Variants in ACSS1 observed in about 807,000 individuals in gnomAD.
ACSS1 encodes acyl-CoA synthetase short chain family member 1.
Under a neutral mutation model 75.3 loss-of-function variants are expected in ACSS1, and 42 were observed. That is an observed-to-expected ratio of 0.56 (90% CI 0.44 to 0.72). The LOEUF is 0.72. Ranked by LOEUF, ACSS1 falls within the 30% of genes least tolerant of loss-of-function variation. The pLI is 0.00. For missense variants in ACSS1, 782 were observed against 935.7 expected, an observed-to-expected ratio of 0.84 and a Z score of 2.14; for synonymous variants, 380 against 376.8, an observed-to-expected ratio of 1.01 and a Z score of -0.10.
intron 2 of ACSS1, among the ~76,000 whole-genome samples, chr20:25,036,975 G>C (rs1174586042): frequency 8.6e-6 from 1 of 116,178 alleles, no homozygotes; most frequent in Admixed American, 9.2e-5. Flanking sequence ...AGAAGAAGAA[G>C]AAAGAAAGAA....
chr20:25,011,230 G>A (rs1216807700), intron 12 of ACSS1: 2 of 152,320 alleles, frequency 1.3e-5, no homozygotes, highest in African/African-American at 2.4e-5. Context: ...CCCTATGAAA[G>A]ACAGTGATTG....
At chr20:25,034,553 G>T (rs1383937644) in intron 2 of ACSS1, among the ~76,000 whole-genome samples, 5 of 151,804 alleles carry the variant, frequency 3.3e-5, no homozygotes, top group Admixed American at 1.3e-4. Flanking sequence ...CCAGACCCTT[G>T]ACCTCAATTC....
rs768691955 is a variant in ACSS1, at chr20:25,022,987, C to T, written c.913G>A (p.Val305Ile). The T allele has an allele frequency of 1.1e-5, 18 of 1,613,958 alleles. No individual in the cohort carries two copies. Among genetic ancestry groups the T allele is most frequent in the East Asian group, 2.2e-5 (1 of 44,894 alleles). ...AGCAGGTAGCCTGCCTGGGTATGGA[C>T]GATGCCCTTGGGCATTCCGGTGCTC... ...SGSTGMPKGI[V>I]HTQAGYLLYA... The change falls in exon 5 of 14, where the codon GTC becomes ATC. Residue 305 changes from valine to isoleucine, a missense_variant. Val to Ile is a conservative substitution (Grantham distance 29). Around this residue, in one of 2 missense-constraint regions of ACSS1, gnomAD observed 405 missense variants for 552.6 expected, o/e 0.73. Coordinates refer to ENST00000323482, the MANE Select transcript of ACSS1 (RefSeq NM_032501.4).
chr20:25,025,448 C>A (rs959344573), intron 3 of ACSS1, among the ~76,000 whole-genome samples: 1 of 152,240 alleles, frequency 6.6e-6, no homozygotes, highest in East Asian at 1.9e-4. Context: ...CCAGCATCTG[C>A]GTTCATTTTC....
intron 13 of ACSS1, 149 bp from the exon 14 acceptor site, chr20:25,008,090 G>A (rs976233247): frequency 9.4e-6 from 10 of 1,059,254 alleles, no homozygotes; most frequent in East Asian, 5.3e-5. Flanking sequence ...CCCAGAGAAC[G>A]GTGAGGCCCG....
Position 25,011,261 on chromosome 20 carries a change from A to G in ACSS1, c.1771+1340T>C, listed in dbSNP as rs145335339. 3 of 152,404 alleles carry G rather than the reference A, an allele frequency of 2.0e-5. No homozygotes were observed. The East Asian group carries it at 5.8e-4, about 29-fold the overall frequency. The allele number at this position is 152,404 out of a possible 1,614,324, so 9.4% of individuals were successfully genotyped here. ...GATTGTGATGCCCAAACGTTTGTCT[A>G]AAGGTCACTTCCATTGTCCTTTCCT... On this transcript the variant is annotated intron_variant, in intron 12 of 13. Coordinates refer to ENST00000323482, the MANE Select transcript of ACSS1 (RefSeq NM_032501.4).
At chr20:25,032,501 T>G in intron 2 of ACSS1, 1 of 1,271,388 alleles carries the variant, frequency 7.9e-7, no homozygotes, top group Non-Finnish European at 9.9e-7. Flanking sequence ...CTGACTTTAA[T>G]TAATTATTTG....
rs151321075 is a variant in ACSS1 at position 25,013,654 on chromosome 20, G to A, written c.1461C>T (p.Val487=). Residue 487 remains valine (V), a synonymous_variant, in exon 10 of 14, where the codon GTC becomes GTT. Coordinates refer to ENST00000323482, the MANE Select transcript of ACSS1 (RefSeq NM_032501.4). ...VPVLMDEKGS[V]VEGSNVSGAL... is the part of the protein sequence containing the mutation. Reference sequence around the variant, plus strand: ...CCCCGGAGACGTTGCTGCCCTCCACGACGCTGCCCTGTAGACCCCGGACAT... The same window carrying A: ...CCCCGGAGACGTTGCTGCCCTCCACAACGCTGCCCTGTAGACCCCGGACAT... 1.2e-5 allele frequency: 19 copies of A among 1,600,314 alleles called. No homozygotes were observed. Among genetic ancestry groups the A allele is most frequent in the African/African-American group, 5.4e-5 (4 of 74,724 alleles).
chr20:25,034,756 C>T (rs1167810468), intron 2 of ACSS1, among the ~76,000 whole-genome samples: 4 of 151,934 alleles, frequency 2.6e-5, no homozygotes, highest in Non-Finnish European at 5.9e-5. Context: ...TTAGTAGAGA[C>T]GGGGTTTCTC....
chr20:25,057,241 C>T (rs1247353104), intron 1 of ACSS1, among the ~76,000 whole-genome samples: 2 of 152,242 alleles, frequency 1.3e-5, no homozygotes, highest in African/African-American at 2.4e-5. Flanking sequence ...GCCGAGTTTC[C>T]TCCTCCCCAG....
At chr20:25,030,127 A>ATGGCACCTAGAACC (rs1484857779) in intron 3 of ACSS1, among the ~76,000 whole-genome samples, 2 of 152,200 alleles carry the variant, frequency 1.3e-5, no homozygotes. Flanking sequence ...AGAATTCTCA[A>ATGGCACCTAGAACC]TGGCACCTAG....
intron 1 of ACSS1, among the ~76,000 whole-genome samples, 186 bp from the exon 2 acceptor site, chr20:25,048,367 T>C (rs1203751068): frequency 6.6e-6 from 1 of 152,180 alleles, no homozygotes; most frequent in Non-Finnish European, 1.5e-5. Flanking sequence ...AAACATGATC[T>C]CAGAGGTACA....
intron 2 of ACSS1, chr20:25,031,228 G>C: frequency 1.9e-6 from 1 of 523,712 alleles, no homozygotes; most frequent in Non-Finnish European, 3.5e-6. Flanking sequence ...GGTTTTTTTA[G>C]GGGAACAGGA....
Position 25,030,946 on chromosome 20 carries a change from C to T in ACSS1, c.444G>A (p.Glu148=), listed in dbSNP as rs2088813773. The T allele has an allele frequency of 6.2e-7, 1 of 1,613,968 alleles. No homozygotes were observed. Among genetic ancestry groups the T allele is most frequent in the African/African-American group, 1.3e-5 (1 of 74,902 alleles). Residue 148 remains glutamate, a synonymous_variant, in exon 3 of 14, where the codon GAG becomes GAA. Transcript: ENST00000323482. Reference sequence around the variant, plus strand: ...GCGTGTTGGCCAGGCGGCACGTGGTCTCCAGTAGTTCCCTGCAGCACAGGG... The same window carrying T: ...GCGTGTTGGCCAGGCGGCACGTGGTTTCCAGTAGTTCCCTGCAGCACAGGG... ...EVRITYRELL[E]TTCRLANTLK...
chr20:25,022,123 A>G (rs886637257), intron 5 of ACSS1, among the ~76,000 whole-genome samples: 2 of 152,220 alleles, frequency 1.3e-5, no homozygotes, highest in East Asian at 1.9e-4. Context: ...TGGAGAGGCC[A>G]AGGCGGGCAG....
At chr20:25,048,616 C>T (rs2089132728) in intron 1 of ACSS1, among the ~76,000 whole-genome samples, 1 of 152,242 alleles carries the variant, frequency 6.6e-6, no homozygotes, top group African/African-American at 2.4e-5. Context: ...GGCTTGGCTC[C>T]TGCAGTTCCC....
chr20:25,020,287 C>T (rs372568542), intron 6 of ACSS1, 140 bp from the exon 7 acceptor site: 5 of 1,176,314 alleles, frequency 4.3e-6, no homozygotes, highest in South Asian at 1.5e-5. Flanking sequence ...CCCAACCCCC[C>T]ACCCCCGCCA....
At position 25,030,923 on chromosome 20, in the gene ACSS1, G is replaced by T. The variant is rs749513175; in HGVS notation, c.467C>A (p.Thr156Lys). Residue 156 changes from threonine to lysine, a missense_variant, in exon 3 of 14, where the codon ACG (threonine) becomes AAG (lysine). By Grantham distance (78) the Thr-to-Lys change is moderately conservative. This residue lies in a region of ACSS1 where 377 missense variants were observed against 383.1 expected (regional missense o/e 0.98). Coordinates refer to ENST00000323482, the MANE Select transcript of ACSS1 (RefSeq NM_032501.4). ...ACGGTGGACTCCATGCCTCTTCAGC[G>T]TGTTGGCCAGGCGGCACGTGGTCTC... ...LLETTCRLAN[T>K]LKRHGVHRGD... 1 of 1,614,200 alleles carries T rather than the reference G, an allele frequency of 6.2e-7. No individual in the cohort carries two copies. The highest frequency in any genetic ancestry group is 1.3e-5 in the African/African-American group (1 of 75,052).
rs534470718 is a variant in ACSS1, at chr20:25,032,430, G to T, written c.432-1472C>A. On this transcript the variant is annotated intron_variant, in intron 2 of 13. Coordinates refer to ENST00000323482, the MANE Select transcript of ACSS1 (RefSeq NM_032501.4). ...TCCCAAGGTTGTCTTTCCTTTCGGC[G>T]CCTCATCCCTCTGAATCTGGACCTG... is the stretch of plus-strand genomic sequence containing the variant. 2.9e-6 allele frequency: 4 copies of T among 1,389,392 alleles called. No individual in the cohort carries two copies. The African/African-American group carries it at 5.8e-5, about 20-fold the overall frequency. 86.1% of individuals were successfully genotyped at this position (1,389,392 alleles called of 1,614,324 possible).
Sources: allele counts gnomAD v4.1 joint callset (sites outside exome capture counted in the v4.1 genomes callset), GRCh38; gene constraint gnomAD v4.1.1; regional missense constraint gnomAD v4.1.1; transcripts MANE v1.5; gene names NCBI Gene and HGNC (gene_info 2026-07-23, HGNC 2026-07-21).